The following MTMR1 variants were observed in gnomAD, a reference collection of about 807,000 sequenced individuals.
MTMR1 encodes the protein myotubularin related protein 1, also known as phosphatidylinositol-3-phosphate phosphatase MTMR1.
Under a neutral mutation model 51.6 loss-of-function variants are expected in MTMR1, and 17 were observed. The ratio of observed to expected loss-of-function variants is 0.33; its 90% CI spans 0.23 to 0.49. The LOEUF (loss-of-function observed/expected upper bound fraction) is 0.49, where lower values mean the gene tolerates loss of function less well. Ranked by LOEUF, MTMR1 falls within the 20% of genes least tolerant of loss-of-function variation. The probability of loss-of-function intolerance (pLI) is 0.99; values close to 1 mark genes in which losing one functional copy is unlikely to be tolerated. For synonymous variants in MTMR1, 201 were observed against 205.6 expected (o/e 0.98, Z 0.19); for missense variants, 386 against 526.9 (o/e 0.73, Z 2.62).
At chrX:150,743,767 A>G (rs1428729049) in intron 12 of MTMR1, among the ~76,000 whole-genome samples, 2 of 112,439 alleles carry the variant, frequency 1.8e-5, no homozygotes, top group Non-Finnish European at 3.8e-5. Flanking sequence ...ACCTTTTGGT[A>G]TGAATCTATT....
chrX:150,718,605 T>TCCAGGCTC lies in MTMR1; in HGVS notation c.277-20_277-19insCCAGGCTC. On this transcript the variant is annotated intron_variant, in intron 3 of 15. Coordinates refer to ENST00000445323, the MANE Select transcript of MTMR1 (RefSeq NM_001306144.3). Reference sequence around the variant, plus strand: ...TGTCCTTTTTTTTTTTTTTTTTTTTTTTTTTTTTTTTTTTGCCAGGCTCTA... The same window carrying TCCAGGCTC: ...TGTCCTTTTTTTTTTTTTTTTTTTTTCCAGGCTCTTTTTTTTTTTTTTGCCAGGCTCTA... 1.0e-6 allele frequency: 1 copy of TCCAGGCTC among 991,083 alleles called. No homozygotes were observed. The highest frequency in any genetic ancestry group is 1.3e-6 in the Non-Finnish European group (1 of 787,570). The allele number at this position is 991,083 out of a possible 1,213,427, so 81.7% of individuals were successfully genotyped here.
At position 150,693,539 on chromosome X, in the gene MTMR1, G is replaced by A. The variant is rs1387325268; in HGVS notation, c.9G>A (p.Arg3=). 11 of 760,425 alleles carry A rather than the reference G, an allele frequency of 1.4e-5. No homozygotes were observed. Among genetic ancestry groups the A allele is most frequent in the Non-Finnish European group, 1.7e-5 (11 of 643,998 alleles). The allele number at this position is 760,425 out of a possible 1,213,427, so 62.7% of individuals were successfully genotyped here. The change falls in exon 1 of 16, where the codon AGG becomes AGA. Residue 3 remains arginine (R), a synonymous_variant. Coordinates refer to ENST00000445323, the MANE Select transcript of MTMR1 (RefSeq NM_001306144.3). Reference sequence around the variant, plus strand: ...GCAGGACTCGGCGCGCCATGGACAGGCCGGCGGCGGCGGCGGCGGCGGGCT... The same window carrying A: ...GCAGGACTCGGCGCGCCATGGACAGACCGGCGGCGGCGGCGGCGGCGGGCT... MD[R]PAAAAAAGCE... is the part of the protein sequence containing the mutation.
In MTMR1 at chrX:150,755,501, A is replaced by G. The variant is rs1198164175; in HGVS notation, c.1681-188A>G. ...AATATGTTTTTCCAGGACAGCAAGCAGTGTGTTTTCATTTCATCCCACCAT... is the reference window on the plus strand; with the variant it reads ...AATATGTTTTTCCAGGACAGCAAGCGGTGTGTTTTCATTTCATCCCACCAT... On this transcript the variant is annotated intron_variant, in intron 14 of 15. Transcript: ENST00000445323. Among the ~76,000 whole-genome samples, 3 of 111,678 alleles carry G rather than the reference A, an allele frequency of 2.7e-5. No homozygotes were observed. In the Admixed American group the frequency reaches 2.9e-4, roughly 11 times the overall value.
intron 2 of MTMR1, among the ~76,000 whole-genome samples, chrX:150,699,628 A>G (rs2040839786): frequency 1.8e-5 from 2 of 112,540 alleles, no homozygotes; most frequent in South Asian, 7.2e-4. Flanking sequence ...CTTGATGTAC[A>G]ATACTTCCCT....
chrX:150,730,041 G>A (rs781935232), intron 6 of MTMR1, 68 bp from the exon 7 acceptor site: 60 of 631,369 alleles, frequency 9.5e-5, no homozygotes, highest in Non-Finnish European at 1.4e-4. Flanking sequence ...CCTTATTTAT[G>A]GCACGGTATC....
chrX:150,693,667 C>A lies in MTMR1; in HGVS notation c.137C>A (p.Thr46Asn), dbSNP rs1340218384. 7 of 755,278 alleles carry A rather than the reference C, an allele frequency of 9.3e-6. No individual in the cohort carries two copies. The African/African-American group carries it at 1.6e-4, about 18-fold the overall frequency. The allele number at this position is 755,278 out of a possible 1,213,427, so 62.2% of individuals were successfully genotyped here. ...GGCTCCCGGCAGCCCAGCGTGGAGACCCTGGACAGGTAAGCGGGGCCCGGG... is the reference window on the plus strand; with the variant it reads ...GGCTCCCGGCAGCCCAGCGTGGAGAACCTGGACAGGTAAGCGGGGCCCGGG... Reference protein sequence around the residue: ...TAGSRQPSVETLDSPTGSHVE... With the variant: ...TAGSRQPSVENLDSPTGSHVE... Residue 46 changes from threonine to asparagine, a missense_variant, in exon 1 of 16, where the codon ACC becomes AAC. Physicochemically the swap from Thr to Asn is moderately conservative, Grantham distance 65. Coordinates refer to ENST00000445323, the MANE Select transcript of MTMR1 (RefSeq NM_001306144.3).
rs990248555 is a variant in MTMR1, at chrX:150,736,724, G to C, written c.1210G>C (p.Asp404His). Residue 404 changes from aspartate (D) to histidine (H), a missense_variant, in exon 11 of 16, where the codon GAT becomes CAT. Transcript: ENST00000445323. ...AAAAGAGATTGTGTACCCTTCGATC[G>C]ATGAGGCGCGGTGGCTCTCCAATGT... is the stretch of plus-strand genomic sequence containing the variant. ...KLKEIVYPSIDEARWLSNVDG... is the reference protein window; with the variant it reads ...KLKEIVYPSIHEARWLSNVDG... 2.5e-6 allele frequency: 3 copies of C among 1,211,158 alleles called. No homozygotes were observed. The highest frequency in any genetic ancestry group is 2.2e-6 in the Non-Finnish European group (2 of 895,108).
intron 1 of MTMR1, among the ~76,000 whole-genome samples, chrX:150,697,769 G>A (rs945034508): frequency 2.7e-5 from 3 of 111,979 alleles, no homozygotes; most frequent in Non-Finnish European, 5.6e-5. Context: ...TCAGAGCTCT[G>A]TGGGAGTGAA....
rs1322760097 is a variant in MTMR1 at position 150,763,240 on chromosome X, A to G, written c.*511A>G. Reference sequence around the variant, plus strand: ...TGTTGTGTACATATAAGGTATTTTTAGAGAAGAGAAACAGGCCTTTATTTT... The same window carrying G: ...TGTTGTGTACATATAAGGTATTTTTGGAGAAGAGAAACAGGCCTTTATTTT... On this transcript the variant is annotated 3_prime_UTR_variant, in exon 16 of 16. Coordinates refer to ENST00000445323, the MANE Select transcript of MTMR1 (RefSeq NM_001306144.3). 4.4e-5 allele frequency: 5 copies of G among 113,583 alleles called. No individual in the cohort carries two copies. Among genetic ancestry groups the G allele is most frequent in the African/African-American group, 1.6e-4 (5 of 31,115 alleles). 9.4% of individuals were successfully genotyped at this position (113,583 alleles called of 1,213,427 possible). A position where few individuals can be genotyped will look rare whatever the true frequency, so the allele number is the denominator to read the frequency against.
At chrX:150,707,981 A>T (rs782396560) in intron 2 of MTMR1, among the ~76,000 whole-genome samples, 1 of 112,532 alleles carries the variant, frequency 8.9e-6, no homozygotes, top group Non-Finnish European at 1.9e-5. Context: ...AAAAGGTTAC[A>T]TACTGTATGA....
At chrX:150,760,966 G>A (rs1205015265) in intron 15 of MTMR1, among the ~76,000 whole-genome samples, 1 of 109,669 alleles carries the variant, frequency 9.1e-6, no homozygotes, top group African/African-American at 3.3e-5. Flanking sequence ...AAAAGAAATA[G>A]GTGAGAAAAG....
chrX:150,751,131 C>T (rs563246907), intron 14 of MTMR1: 4 of 999,849 alleles, frequency 4.0e-6, no homozygotes, highest in Non-Finnish European at 5.2e-6. Flanking sequence ...CTCCGCTGCA[C>T]CAACTCCAAA....
rs782473735 is a variant in MTMR1, at chrX:150,762,274, C to T, written c.1858-291C>T. On this transcript the variant is annotated intron_variant, in intron 15 of 15. Coordinates refer to ENST00000445323, the MANE Select transcript of MTMR1 (RefSeq NM_001306144.3). Reference sequence around the variant, plus strand: ...TCGGTTGATCCATGGTGCGCAGTGTCCCCGTGCCTGCTTGTCTTCTGAGAA... The same window carrying T: ...TCGGTTGATCCATGGTGCGCAGTGTTCCCGTGCCTGCTTGTCTTCTGAGAA... Among the ~76,000 whole-genome samples the T allele has an allele frequency of 8.8e-4, 99 of 112,453 alleles. 1 individual carries two copies. The highest frequency in any genetic ancestry group is 2.7e-3 in the African/African-American group (84 of 31,026).
rs2040819417 is a variant in MTMR1, at chrX:150,699,301, G to GTAAGC, written c.252+2_252+6dup. ...AGAAAATGTGTCCAGAGATTACAAG[G>GTAAGC]TAAGCAACATTGAGTGTTTAATTCA... On this transcript the variant is annotated splice_donor_variant, in intron 2 of 15. Coordinates refer to ENST00000445323, the MANE Select transcript of MTMR1 (RefSeq NM_001306144.3). LOFTEE classifies it high-confidence loss of function. 1 of 1,148,969 alleles carries GTAAGC rather than the reference G, an allele frequency of 8.7e-7. No individual in the cohort carries two copies. The highest frequency in any genetic ancestry group is 1.9e-5 in the South Asian group (1 of 52,390). The allele number at this position is 1,148,969 out of a possible 1,213,427, so 94.7% of individuals were successfully genotyped here. A position where few individuals can be genotyped will look rare whatever the true frequency, so the allele number is the denominator to read the frequency against.
chrX:150,698,676 G>GCA (rs1170788477), intron 1 of MTMR1, among the ~76,000 whole-genome samples: 1,356 of 52,947 alleles, frequency 0.026, 35 homozygotes, highest in African/African-American at 0.08. Context: ...GTCTACACGC[G>GCA]CGCGCACACA....
chrX:150,744,212 C>T (rs970480963), intron 12 of MTMR1, 149 bp from the exon 13 acceptor site: 2 of 373,336 alleles, frequency 5.4e-6, no homozygotes, highest in East Asian at 4.3e-5. Context: ...GAAGTCATTT[C>T]GATTTGATAG....
intron 1 of MTMR1, among the ~76,000 whole-genome samples, chrX:150,694,566 G>T (rs1387615549): frequency 8.9e-6 from 1 of 112,198 alleles, no homozygotes; most frequent in Non-Finnish European, 1.9e-5. Context: ...TCATCCCATT[G>T]TGCCAAACTT....
At position 150,693,540 on chromosome X, in the gene MTMR1, C is replaced by CCGGCGG. The variant is rs782326539; in HGVS notation, c.26_31dup (p.Ala9_Ala10dup). The CCGGCGG allele has an allele frequency of 9.9e-5, 75 of 757,376 alleles. No individual in the cohort carries two copies. Among genetic ancestry groups the CCGGCGG allele is most frequent in the South Asian group, 1.3e-4 (2 of 15,416 alleles). The allele number at this position is 757,376 out of a possible 1,213,427, so 62.4% of individuals were successfully genotyped here. The stretch of plus-strand genomic sequence containing the variant: ...CAGGACTCGGCGCGCCATGGACAGG[C>CCGGCGG]CGGCGGCGGCGGCGGCGGCGGGCTG... On this transcript the variant is annotated inframe_insertion, in exon 1 of 16. Coordinates refer to ENST00000445323, the MANE Select transcript of MTMR1 (RefSeq NM_001306144.3).
intron 3 of MTMR1, among the ~76,000 whole-genome samples, chrX:150,716,777 T>A (rs1424136296): frequency 8.9e-6 from 1 of 112,621 alleles, no homozygotes. Flanking sequence ...GACCTTTAGG[T>A]CCTTTAATAA....
Sources: gnomAD v4.1 joint callset for allele counts (sites outside exome capture counted in the v4.1 genomes callset) on GRCh38, gnomAD v4.1.1 for gene constraint, MANE v1.5 for transcripts, NCBI Gene and HGNC (gene_info 2026-07-23, HGNC 2026-07-21) for gene names.